PARPBP: variants seen among roughly 807,000 people sequenced by gnomAD.
PARPBP encodes PARP1 binding protein, also known as PCNA-interacting partner.
A neutral mutation model predicts 50.0 loss-of-function variants in PARPBP; 52 were observed. That is an observed-to-expected ratio of 1.04 (90% CI 0.83 to 1.31). The LOEUF (loss-of-function observed/expected upper bound fraction) is 1.31. PARPBP is among the 50% of genes most tolerant of loss of function. PARPBP has a pLI of 0.00. For synonymous variants in PARPBP, 244 were observed against 232.1 expected (o/e 1.05, Z -0.47); for missense variants, 697 against 672.0 (o/e 1.04, Z -0.41).
At chr12:102,125,804 A>T (rs1282094742) in intron 2 of PARPBP, among the ~76,000 whole-genome samples, 2 of 152,200 alleles carry the variant, frequency 1.3e-5, no homozygotes, top group Non-Finnish European at 2.9e-5. Flanking sequence ...ACTAATAGCC[A>T]TAAGAAGAAT....
At chr12:102,169,511 T>A (rs1185467903) in intron 6 of PARPBP, among the ~76,000 whole-genome samples, 1 of 152,182 alleles carries the variant, frequency 6.6e-6, no homozygotes, top group African/African-American at 2.4e-5. Context: ...ATATCCTAAA[T>A]ACATTCACTC....
intron 6 of PARPBP, among the ~76,000 whole-genome samples, chr12:102,168,151 G>A (rs1888335614): frequency 6.6e-6 from 1 of 152,016 alleles, no homozygotes; most frequent in South Asian, 2.1e-4. Flanking sequence ...TTCATAGATG[G>A]AAACTTTTTT....
At position 102,178,743 on chromosome 12, in the gene PARPBP, A is replaced by G; in HGVS notation, c.1157A>G (p.His386Arg). 1 of 1,612,230 alleles carries G rather than the reference A, an allele frequency of 6.2e-7. No individual in the cohort carries two copies. Among genetic ancestry groups the G allele is most frequent in the Non-Finnish European group, 8.5e-7 (1 of 1,178,982 alleles). The change falls in exon 8 of 11, where the codon CAT (histidine) becomes CGT (arginine). Residue 386 changes from histidine (H) to arginine (R), a missense_variant. By Grantham distance (29) the His-to-Arg change is conservative. Transcript: ENST00000327680. The stretch of plus-strand genomic sequence containing the variant: ...GATGAGGAAAACACAATCCATCATC[A>G]TGGAACGTCTATTCTTACACTTTTT... ...LYDEENTIHH[H>R]GTSILTLFRS... is the part of the protein sequence containing the mutation.
chr12:102,181,078 T>A (rs1359827163), intron 8 of PARPBP, among the ~76,000 whole-genome samples: 1 of 152,226 alleles, frequency 6.6e-6, no homozygotes, highest in Non-Finnish European at 1.5e-5. Context: ...CTGACCCTCC[T>A]ATTTCTATGT....
At chr12:102,135,299 C>T (rs780224798) in intron 2 of PARPBP, among the ~76,000 whole-genome samples, 12 of 152,082 alleles carry the variant, frequency 7.9e-5, no homozygotes, top group Non-Finnish European at 1.8e-4. Context: ...AATCCCAGCA[C>T]TTTGGGAGGC....
At chr12:102,137,555 G>A (rs1011348535) in intron 2 of PARPBP, among the ~76,000 whole-genome samples, 2 of 151,642 alleles carry the variant, frequency 1.3e-5, no homozygotes, top group African/African-American at 4.9e-5. Flanking sequence ...TGCACAACGT[G>A]CAGGTTTGTT....
intron 4 of PARPBP, among the ~76,000 whole-genome samples, chr12:102,155,616 T>C (rs1272447401): frequency 1.7e-5 from 2 of 120,120 alleles, no homozygotes; most frequent in East Asian, 5.7e-4. Flanking sequence ...GCGGGGACAA[T>C]GATTGGAATA....
At chr12:102,174,455 C>T (rs888142636) in intron 6 of PARPBP, among the ~76,000 whole-genome samples, 1 of 152,202 alleles carries the variant, frequency 6.6e-6, no homozygotes, top group Non-Finnish European at 1.5e-5. Context: ...TACAACCTGG[C>T]AATAAGGCGA....
At position 102,142,319 on chromosome 12, in the gene PARPBP, A is replaced by G. The variant is rs547869546; in HGVS notation, c.154-5911A>G. On this transcript the variant is annotated intron_variant, in intron 2 of 10. Coordinates refer to ENST00000327680, the MANE Select transcript of PARPBP (RefSeq NM_017915.5). ...GCATGCATCTCATAGTTCTCGTGCCATGGTTTTCAGCTCCATCAGGTCATT... is the reference window on the plus strand; with the variant it reads ...GCATGCATCTCATAGTTCTCGTGCCGTGGTTTTCAGCTCCATCAGGTCATT... Among the ~76,000 whole-genome samples the G allele has an allele frequency of 1.9e-3, 289 of 152,256 alleles. 1 individual carries two copies. Among genetic ancestry groups the G allele is most frequent in the African/African-American group, 6.3e-3 (260 of 41,534 alleles).
chr12:102,161,505 T>C (rs1031150917), intron 4 of PARPBP, among the ~76,000 whole-genome samples: 1 of 152,204 alleles, frequency 6.6e-6, no homozygotes, highest in African/African-American at 2.4e-5. Flanking sequence ...TGAAAACTCA[T>C]TGAGAACCTA....
At chr12:102,153,506 A>G (rs1311831792) in intron 3 of PARPBP, among the ~76,000 whole-genome samples, 3 of 152,098 alleles carry the variant, frequency 2.0e-5, no homozygotes, top group Non-Finnish European at 4.4e-5. Flanking sequence ...ATGCCCAGCT[A>G]ATGTTTTGCA....
At chr12:102,173,128 C>A (rs12427090) in intron 6 of PARPBP, among the ~76,000 whole-genome samples, 6,837 of 152,140 alleles carry the variant, frequency 0.045, 410 homozygotes, top group East Asian at 0.29. Context: ...AGGAGGAAAG[C>A]CAGCGAGGCA....
chr12:102,184,454 T>G (rs1052020777), intron 9 of PARPBP, among the ~76,000 whole-genome samples: 2 of 152,278 alleles, frequency 1.3e-5, no homozygotes, highest in East Asian at 3.9e-4. Context: ...ATAGACAAAT[T>G]TAGAAAGTTT....
chr12:102,164,820 C>G, intron 5 of PARPBP: 1 of 580,868 alleles, frequency 1.7e-6, no homozygotes, highest in East Asian at 2.9e-5. Flanking sequence ...TACATATGTT[C>G]TGTATAGTGC....
At chr12:102,192,501 T>C (rs966419812) in intron 9 of PARPBP, among the ~76,000 whole-genome samples, 1 of 152,112 alleles carries the variant, frequency 6.6e-6, no homozygotes, top group Non-Finnish European at 1.5e-5. Context: ...TGGACAGTTG[T>C]TGGCTCAGTC....
intron 3 of PARPBP, chr12:102,151,769 A>T: frequency 6.5e-7 from 1 of 1,535,618 alleles, no homozygotes; most frequent in Non-Finnish European, 8.7e-7. Flanking sequence ...AAGAGACGAG[A>T]CCTGAAGAAG....
At chr12:102,186,501 G>A (rs1340658236) in intron 9 of PARPBP, among the ~76,000 whole-genome samples, 3 of 151,746 alleles carry the variant, frequency 2.0e-5, no homozygotes. Context: ...TATCTCATAG[G>A]TTTTGGTATG....
intron 2 of PARPBP, among the ~76,000 whole-genome samples, chr12:102,140,564 A>G (rs2138088131): frequency 6.6e-6 from 1 of 152,042 alleles, no homozygotes; most frequent in South Asian, 2.1e-4. Context: ...TAGTTCTTTT[A>G]ATTGTGATGT....
intron 2 of PARPBP, among the ~76,000 whole-genome samples, chr12:102,127,761 A>G (rs1882232285): frequency 6.6e-6 from 1 of 152,214 alleles, no homozygotes; most frequent in Admixed American, 6.5e-5. Flanking sequence ...TTCAAAATAT[A>G]TTGTTAATAA....
Sources: allele counts gnomAD v4.1 joint callset (sites outside exome capture counted in the v4.1 genomes callset), GRCh38; gene constraint gnomAD v4.1.1; transcripts MANE v1.5; gene names NCBI Gene and HGNC (gene_info 2026-07-23, HGNC 2026-07-21).